The following ANK3 variants were observed in gnomAD, a reference collection of about 807,000 sequenced individuals.
ANK3 encodes ankyrin-3.
In ANK3, 57 loss-of-function variants were observed where a neutral mutation model predicts 370.9. That is an observed-to-expected ratio of 0.15 (90% CI 0.12 to 0.19). The LOEUF (loss-of-function observed/expected upper bound fraction) is 0.19. Ranked by LOEUF, ANK3 falls within the 10% of genes least tolerant of loss-of-function variation. The pLI, the probability that ANK3 is intolerant of heterozygous loss-of-function variation, is 1.00. For synonymous variants in ANK3, 1,929 were observed against 1,946.3 expected (o/e 0.99, Z 0.23); for missense variants, 4,439 against 5,302.1 (o/e 0.84, Z 5.06).
intron 28 of ANK3, among the ~76,000 whole-genome samples, chr10:60,096,635 A>G (rs1205022730): frequency 6.6e-6 from 1 of 152,210 alleles, no homozygotes; most frequent in Non-Finnish European, 1.5e-5. Context: ...CACATTTGAA[A>G]AAGTAATGTC....
In ANK3 at chr10:60,044,454, A is replaced by C. The variant is rs181942246; in HGVS notation, c.13066-1695T>G. 8.1e-4 allele frequency: 454 copies of C among 559,946 alleles called. 4 individuals carry two copies. The African/African-American group carries it at 9.0e-3, about 11-fold the overall frequency. The allele number at this position is 559,946 out of a possible 1,614,324, so 34.7% of individuals were successfully genotyped here. A position where few individuals can be genotyped will look rare whatever the true frequency, so the allele number is the denominator to read the frequency against. On this transcript the variant is annotated intron_variant, in intron 42 of 43. Coordinates refer to ENST00000280772, the MANE Select transcript of ANK3 (RefSeq NM_020987.5). ...GGAATTTTAGAGAAATAAGTTGTAA[A>C]TTCTACTTGCTACTCCAGTGCAAGG...
chr10:60,126,687 CAA>C (rs34822081), intron 25 of ANK3, among the ~76,000 whole-genome samples: 49 of 124,972 alleles, frequency 3.9e-4, no homozygotes, highest in Admixed American at 6.7e-4. Context: ...GACTCCGTCT[CAA>C]AAAAAAAAAA....
At chr10:60,166,500 T>C (rs2095627372) in intron 23 of ANK3, 91 bp downstream of exon 23, 10 of 960,256 alleles carry the variant, frequency 1.0e-5, no homozygotes, top group South Asian at 7.5e-5. Flanking sequence ...GAAAAGTTAG[T>C]AACTCAAGGA....
chr10:60,235,986 C>T lies in ANK3; in HGVS notation c.799-1200G>A, dbSNP rs2097326743. Among the ~76,000 whole-genome samples, 4 of 152,160 alleles carry T rather than the reference C, an allele frequency of 2.6e-5. 1 individual carries two copies. The highest frequency in any genetic ancestry group is 2.6e-4 in the Admixed American group (4 of 15,280). Reference sequence around the variant, plus strand: ...TTGGCAGAACCAGGATTCAACTCTTCAACACTTAAACTCTTGAATGCATGA... The same window carrying T: ...TTGGCAGAACCAGGATTCAACTCTTTAACACTTAAACTCTTGAATGCATGA... On this transcript the variant is annotated intron_variant, in intron 7 of 43. Transcript: ENST00000280772.
intron 28 of ANK3, among the ~76,000 whole-genome samples, chr10:60,103,409 T>C (rs1314508580): frequency 6.6e-6 from 1 of 152,068 alleles, no homozygotes; most frequent in African/African-American, 2.4e-5. Context: ...AAACTGTGCT[T>C]ATGCTTCTCT....
chr10:60,359,862 A>G (rs891628124), intron 1 of ANK3, among the ~76,000 whole-genome samples: 3 of 152,246 alleles, frequency 2.0e-5, no homozygotes, highest in African/African-American at 7.2e-5. Flanking sequence ...AATTTGAATG[A>G]AGAGTTCAGC....
chr10:60,326,935 G>A (rs2050039114), intron 1 of ANK3, among the ~76,000 whole-genome samples: 1 of 152,064 alleles, frequency 6.6e-6, no homozygotes, highest in Non-Finnish European at 1.5e-5. Context: ...CAGGAGAATG[G>A]CTTGAACCCA....
intron 43 of ANK3, among the ~76,000 whole-genome samples, chr10:60,031,824 T>A (rs1266581749): frequency 2.0e-5 from 3 of 152,122 alleles, no homozygotes; most frequent in African/African-American, 7.2e-5. Flanking sequence ...CTTTTTAGTA[T>A]TAAAAGTGCT....
chr10:60,084,244 A>C (rs1230610138), intron 32 of ANK3: 2 of 155,498 alleles, frequency 1.3e-5, no homozygotes, highest in Non-Finnish European at 1.4e-5. Flanking sequence ...ATCTCTACTG[A>C]AAATACAGAA....
intron 2 of ANK3, among the ~76,000 whole-genome samples, chr10:60,570,575 A>G (rs2077569495): frequency 6.6e-6 from 1 of 152,136 alleles, no homozygotes; most frequent in African/African-American, 2.4e-5. Flanking sequence ...ATGAGGGGGA[A>G]AAAAACAGAA....
Position 60,143,625 on chromosome 10 carries a change from C to CA in ANK3, c.2615-4539dup, listed in dbSNP as rs200223993. On this transcript the variant is annotated intron_variant, in intron 23 of 43. Transcript: ENST00000280772. The stretch of plus-strand genomic sequence containing the variant: ...ATAGAGGAATTTGACTATTTTTAGG[C>CA]AAAGAGGATTTTGGTAGCTCATCTT... Among the ~76,000 whole-genome samples, 699 of 152,242 alleles carry CA rather than the reference C, an allele frequency of 4.6e-3. 4 individuals carry two copies. Among genetic ancestry groups the CA allele is most frequent in the African/African-American group, 0.016 (669 of 41,556 alleles).
chr10:60,308,639 G>A (rs911061269), intron 1 of ANK3, among the ~76,000 whole-genome samples: 8 of 152,084 alleles, frequency 5.3e-5, no homozygotes, highest in Non-Finnish European at 7.3e-5. Context: ...GGCTGAGGGA[G>A]GGGAGGAGGG....
At chr10:60,225,532 G>A (rs1467246900) in intron 8 of ANK3, among the ~76,000 whole-genome samples, 2 of 152,128 alleles carry the variant, frequency 1.3e-5, no homozygotes, top group African/African-American at 2.4e-5. Flanking sequence ...GAAGGACTGG[G>A]TTCCTTCTAC....
intron 2 of ANK3, chr10:60,572,803 T>G (rs530982724): frequency 1.6e-6 from 2 of 1,214,372 alleles, no homozygotes; most frequent in African/African-American, 3.1e-5. Context: ...TAGCCTTTCA[T>G]TTTTAACTAA....
intron 2 of ANK3, among the ~76,000 whole-genome samples, chr10:60,423,313 G>T (rs1406281559): frequency 6.8e-6 from 1 of 146,482 alleles, no homozygotes; most frequent in Non-Finnish European, 1.5e-5. Flanking sequence ...TTAAATAAAA[G>T]AAATAAAAAG....
intron 2 of ANK3, among the ~76,000 whole-genome samples, chr10:60,510,859 G>A (rs1183647846): frequency 6.6e-6 from 1 of 151,986 alleles, no homozygotes; most frequent in African/African-American, 2.4e-5. Context: ...AATAAGAAAT[G>A]TAGCATCAGA....
chr10:60,085,468 T>TA (rs914181675), intron 30 of ANK3, among the ~76,000 whole-genome samples: 4 of 151,862 alleles, frequency 2.6e-5, no homozygotes, highest in East Asian at 1.9e-4. Context: ...GATATTAAAT[T>TA]AAAAAAAAAT....
intron 23 of ANK3, chr10:60,140,575 G>T: frequency 1.5e-6 from 2 of 1,378,248 alleles, no homozygotes; most frequent in South Asian, 1.9e-5. Context: ...AGAGTTCGAA[G>T]ATTTTCAAAA....
intron 1 of ANK3, among the ~76,000 whole-genome samples, chr10:60,709,363 A>T (rs1165510636): frequency 1.3e-5 from 2 of 151,994 alleles, no homozygotes; most frequent in African/African-American, 4.8e-5. Context: ...CTTGAACCAC[A>T]TGGAGATTAG....
Sources: allele counts gnomAD v4.1 joint callset (sites outside exome capture counted in the v4.1 genomes callset), GRCh38; gene constraint gnomAD v4.1.1; transcripts MANE v1.5; gene names NCBI Gene and HGNC (gene_info 2026-07-23, HGNC 2026-07-21).